The following DST variants were observed in gnomAD, a reference collection of about 807,000 sequenced individuals.
DST encodes dystonin, also known as bullous pemphigoid antigen.
Under a neutral mutation model 875.2 loss-of-function variants are expected in DST, and 253 were observed. The observed-to-expected ratio is 0.29, with a 90% CI of 0.26 to 0.32. DST has a LOEUF of 0.32. Ranked by LOEUF, DST falls within the 10% of genes least tolerant of loss-of-function variation. The probability of loss-of-function intolerance (pLI) is 1.00; values close to 1 mark genes in which losing one functional copy is unlikely to be tolerated. For synonymous variants in DST, 3,124 were observed against 3,197.1 expected, an observed-to-expected ratio of 0.98 and a Z score of 0.77; for missense variants, 8,287 against 9,111.6, an observed-to-expected ratio of 0.91 and a Z score of 3.68.
chr6:56,671,614 G>C (rs1426287510), intron 9 of DST, among the ~76,000 whole-genome samples: 1 of 152,076 alleles, frequency 6.6e-6, no homozygotes, highest in African/African-American at 2.4e-5. Flanking sequence ...CTTTGATAAG[G>C]GTCCTACTTA....
intron 9 of DST, among the ~76,000 whole-genome samples, chr6:56,684,923 G>C (rs1490289431): frequency 6.6e-6 from 1 of 152,088 alleles, no homozygotes; most frequent in Non-Finnish European, 1.5e-5. Context: ...ACATGAACTG[G>C]ATGTCAGGGT....
intron 5 of DST, among the ~76,000 whole-genome samples, chr6:56,713,142 T>C (rs2099383776): frequency 6.6e-6 from 1 of 152,068 alleles, no homozygotes; most frequent in South Asian, 2.1e-4. Flanking sequence ...GAATAACATG[T>C]AGGGGAGTAG....
intron 55 of DST, among the ~76,000 whole-genome samples, chr6:56,567,461 A>G (rs1175027524): frequency 1.3e-5 from 2 of 151,430 alleles, no homozygotes; most frequent in Non-Finnish European, 2.9e-5. Context: ...CCAAAGCAAC[A>G]GCAACAACAA....
intron 10 of DST, among the ~76,000 whole-genome samples, chr6:56,664,200 T>C (rs2099060000): frequency 6.6e-6 from 1 of 152,212 alleles, no homozygotes; most frequent in Non-Finnish European, 1.5e-5. Context: ...CATATTCATG[T>C]TCATGCCTGC....
At chr6:56,721,268 T>TA (rs1197964204) in intron 5 of DST, among the ~76,000 whole-genome samples, 5 of 152,250 alleles carry the variant, frequency 3.3e-5, no homozygotes, top group Non-Finnish European at 7.3e-5. Context: ...CCAGATTTCA[T>TA]ATTGTTCAAA....
chr6:56,779,623 A>G lies in DST; in HGVS notation c.626-44334T>C, dbSNP rs1007326553. 9.5e-4 allele frequency among the ~76,000 whole-genome samples: 144 copies of G among 151,968 alleles called. 3 individuals are homozygous for G. The highest frequency in any genetic ancestry group is 3.3e-3 in the African/African-American group (138 of 41,332). On this transcript the variant is annotated intron_variant, in intron 4 of 103. Coordinates refer to ENST00000680361, the MANE Select transcript of DST (RefSeq NM_001374736.1). Reference sequence around the variant, plus strand: ...CATATAGCTAGCCAGTTTTCCCAGCACCATTTATTAAATAGGGAATCATTT... The same window carrying G: ...CATATAGCTAGCCAGTTTTCCCAGCGCCATTTATTAAATAGGGAATCATTT...
chr6:56,529,649 A>G lies in DST; in HGVS notation c.17394T>C (p.Ser5798=). 6.2e-7 allele frequency: 1 copy of G among 1,613,792 alleles called. No homozygotes were observed. Among genetic ancestry groups the G allele is most frequent in the East Asian group, 2.2e-5 (1 of 44,868 alleles). ...KDMVQSKLDF[S]QVWYIEIQEK... is the part of the protein sequence containing the mutation. ...CTTGAATCTCAATGTACCATACTTG[A>G]GAGAAGTCTAATTTACTCTGCACCA... The change falls in exon 66 of 104, where the codon TCT becomes TCC. Residue 5798 remains serine, a synonymous_variant. Coordinates refer to ENST00000680361, the MANE Select transcript of DST (RefSeq NM_001374736.1).
At chr6:56,711,209 A>G (rs2152893837) in intron 5 of DST, among the ~76,000 whole-genome samples, 1 of 152,342 alleles carries the variant, frequency 6.6e-6, no homozygotes, top group Non-Finnish European at 1.5e-5. Context: ...AATAAAATAA[A>G]AACATTTATT....
At chr6:56,871,675 A>AG in intron 3 of DST, 1 of 678,350 alleles carries the variant, frequency 1.5e-6, no homozygotes, top group African/African-American at 1.8e-5. Context: ...AAACCAGAAG[A>AG]GGGGGTTGCC....
intron 50 of DST, among the ~76,000 whole-genome samples, chr6:56,578,451 C>G (rs2097909552): frequency 6.6e-6 from 1 of 152,096 alleles, no homozygotes; most frequent in Admixed American, 6.6e-5. Flanking sequence ...GATAAAGACC[C>G]TCAGAGATTC....
chr6:56,509,507 C>T (rs958483408), intron 74 of DST, 135 bp downstream of exon 74: 9 of 661,830 alleles, frequency 1.4e-5, no homozygotes, highest in Admixed American at 1.2e-4. Flanking sequence ...CATACACAGC[C>T]CTTCAACCCT....
At chr6:56,651,967 G>A (rs546057700) in intron 10 of DST, among the ~76,000 whole-genome samples, 1 of 152,306 alleles carries the variant, frequency 6.6e-6, no homozygotes, top group East Asian at 1.9e-4. Context: ...AATAAAGAAT[G>A]ATATATAGTA....
chr6:56,720,609 G>A (rs967914542), intron 5 of DST, among the ~76,000 whole-genome samples: 3 of 152,036 alleles, frequency 2.0e-5, no homozygotes, highest in Non-Finnish European at 2.9e-5. Flanking sequence ...ATCTTGCACC[G>A]CCCTTAATCC....
chr6:56,691,082 T>C (rs537572482), intron 9 of DST, among the ~76,000 whole-genome samples: 2 of 152,154 alleles, frequency 1.3e-5, no homozygotes, highest in African/African-American at 2.4e-5. Flanking sequence ...ATATTTTCCA[T>C]TGAAGGAAAG....
At chr6:56,469,033 T>C in intron 97 of DST, 34 bp from the exon 98 acceptor site, 1 of 1,546,810 alleles carries the variant, frequency 6.5e-7, no homozygotes. Context: ...AAAGACACAA[T>C]TAGTTCAACA....
intron 3 of DST, among the ~76,000 whole-genome samples, chr6:56,855,894 G>A (rs763567391): frequency 4.5e-4 from 68 of 152,286 alleles, no homozygotes; most frequent in Non-Finnish European, 8.2e-4. Context: ...AACCCACACT[G>A]GCATGGGGAG....
At chr6:56,498,845 C>T (rs1285719569) in intron 80 of DST, among the ~76,000 whole-genome samples, 2 of 151,976 alleles carry the variant, frequency 1.3e-5, no homozygotes, top group Admixed American at 1.3e-4. Flanking sequence ...ATACTTAAAC[C>T]CAGTATTCCA....
Position 56,535,252 on chromosome 6 carries a change from T to C in DST, c.16811A>G (p.His5604Arg). ...RAAQLQEALLHCGRFQDALES... is the reference protein window; with the variant it reads ...RAAQLQEALLRCGRFQDALES... Reference sequence around the variant, plus strand: ...CAGGGCATCCTGGAACCTCCCACAGTGCAGCAAGGCCTCCTGCAGCTGGGC... The same window carrying C: ...CAGGGCATCCTGGAACCTCCCACAGCGCAGCAAGGCCTCCTGCAGCTGGGC... Residue 5604 changes from histidine to arginine, a missense_variant, in exon 63 of 104, where the codon CAC becomes CGC. Coordinates refer to ENST00000680361, the MANE Select transcript of DST (RefSeq NM_001374736.1). 6.2e-7 allele frequency: 1 copy of C among 1,607,706 alleles called. No individual in the cohort carries two copies. Among genetic ancestry groups the C allele is most frequent in the Admixed American group, 1.7e-5 (1 of 58,400 alleles).
chr6:56,620,370 TG>T, intron 36 of DST: 1 of 1,614,200 alleles, frequency 6.2e-7, no homozygotes, highest in Non-Finnish European at 8.5e-7. Flanking sequence ...TCGGCCTCTA[TG>T]GTGAGCTGCC....
Sources: gnomAD v4.1 joint callset for allele counts (sites outside exome capture counted in the v4.1 genomes callset) on GRCh38, gnomAD v4.1.1 for gene constraint, MANE v1.5 for transcripts, NCBI Gene and HGNC (gene_info 2026-07-23, HGNC 2026-07-21) for gene names.